JADE3: variants seen among roughly 807,000 people sequenced by gnomAD.
JADE3 encodes jade family PHD finger 3.
JADE3 carries 2 observed loss-of-function variants against 50.1 expected under a neutral mutation model. The ratio of observed to expected loss-of-function variants is 0.04; its 90% CI spans 0.02 to 0.13. JADE3 has a LOEUF of 0.13. Among genes scored for constraint, JADE3 ranks in the 10% least tolerant of loss-of-function variants. JADE3 has a pLI of 1.00. For synonymous variants in JADE3, 218 were observed against 232.9 expected, an observed-to-expected ratio of 0.94 and a Z score of 0.58; for missense variants, 475 against 634.4, an observed-to-expected ratio of 0.75 and a Z score of 2.70.
intron 3 of JADE3, among the ~76,000 whole-genome samples, chrX:46,988,119 T>C (rs1359067977): frequency 8.9e-6 from 1 of 112,032 alleles, no homozygotes; most frequent in Admixed American, 9.5e-5. Flanking sequence ...TAAACAATTA[T>C]GAGACTCTCC....
chrX:46,978,404 GA>G (rs1419796227), intron 1 of JADE3, among the ~76,000 whole-genome samples: 3 of 111,219 alleles, frequency 2.7e-5, no homozygotes. Context: ...AATTGTGGGG[GA>G]GGGACGTCTG....
intron 1 of JADE3, among the ~76,000 whole-genome samples, chrX:46,922,072 C>A (rs927754843): frequency 5.5e-5 from 6 of 108,330 alleles, no homozygotes; most frequent in Middle Eastern, 4.2e-3. Flanking sequence ...CTCCCCCAGT[C>A]CCCCATCCCC....
intron 1 of JADE3, among the ~76,000 whole-genome samples, chrX:46,942,758 A>G (rs1926791841): frequency 8.9e-6 from 1 of 111,792 alleles, no homozygotes; most frequent in African/African-American, 3.3e-5. Flanking sequence ...TGCTAATTTG[A>G]TAGGAACAGT....
intron 8 of JADE3, among the ~76,000 whole-genome samples, chrX:47,048,404 AT>A (rs1929423919): frequency 8.9e-6 from 1 of 112,322 alleles, no homozygotes; most frequent in African/African-American, 3.2e-5. Flanking sequence ...ATGAATTTTC[AT>A]AGCACCATTA....
intron 8 of JADE3, among the ~76,000 whole-genome samples, chrX:47,049,186 T>C (rs1929443037): frequency 2.0e-5 from 2 of 100,773 alleles, no homozygotes; most frequent in Admixed American, 2.1e-4. Context: ...TTCTTCTTTT[T>C]TTTTTTTTTT....
intron 1 of JADE3, among the ~76,000 whole-genome samples, chrX:46,916,339 C>T (rs1926085757): frequency 8.9e-6 from 1 of 111,819 alleles, no homozygotes; most frequent in Admixed American, 9.5e-5. Context: ...TTGTTTCTTT[C>T]AAGCCATTTG....
chrX:46,997,401 C>T (rs1175932010), intron 3 of JADE3, among the ~76,000 whole-genome samples: 8 of 111,339 alleles, frequency 7.2e-5, no homozygotes, highest in Non-Finnish European at 5.7e-5. Context: ...GCCTGTAGTC[C>T]CAGCTACTCA....
chrX:46,922,106 T>C (rs1429644459), intron 1 of JADE3, among the ~76,000 whole-genome samples: 1 of 107,478 alleles, frequency 9.3e-6, no homozygotes, highest in Admixed American at 1.0e-4. Flanking sequence ...TGTGTGATGC[T>C]CCCCTCCCTG....
chrX:46,992,901 G>A (rs781980617), intron 3 of JADE3, among the ~76,000 whole-genome samples: 9 of 111,607 alleles, frequency 8.1e-5, no homozygotes, highest in African/African-American at 9.8e-5. Flanking sequence ...CAGGGGCTTT[G>A]TGTACCTTCT....
At chrX:46,917,812 T>A (rs2147100888) in intron 1 of JADE3, among the ~76,000 whole-genome samples, 1 of 89,341 alleles carries the variant, frequency 1.1e-5, no homozygotes, top group South Asian at 6.7e-4. Flanking sequence ...TCTCTCTCTC[T>A]CTCTCTCTCA....
chrX:47,010,766 G>T (rs1928543917), intron 4 of JADE3, among the ~76,000 whole-genome samples: 1 of 110,958 alleles, frequency 9.0e-6, no homozygotes, highest in Admixed American at 9.6e-5. Flanking sequence ...CAGACTGGGT[G>T]GCTTAAAGAA....
At chrX:46,920,640 C>G (rs781988229) in intron 1 of JADE3, among the ~76,000 whole-genome samples, 1 of 112,551 alleles carries the variant, frequency 8.9e-6, no homozygotes, top group East Asian at 2.8e-4. Flanking sequence ...CAAAGTGGTT[C>G]TACCATTTTA....
At chrX:47,009,917 G>A (rs1928518883) in intron 4 of JADE3, among the ~76,000 whole-genome samples, 1 of 109,185 alleles carries the variant, frequency 9.2e-6, no homozygotes, top group Non-Finnish European at 1.9e-5. Context: ...GAACCACTAT[G>A]CCTGGCCCAC....
chrX:46,992,782 A>G (rs1455558922), intron 3 of JADE3, among the ~76,000 whole-genome samples: 3 of 111,833 alleles, frequency 2.7e-5, no homozygotes, highest in Non-Finnish European at 5.6e-5. Flanking sequence ...TAAAAGATAC[A>G]TATTTTTCTT....
intron 8 of JADE3, among the ~76,000 whole-genome samples, chrX:47,049,448 G>A: frequency 9.5e-6 from 1 of 105,538 alleles, no homozygotes; most frequent in East Asian, 3.0e-4. Flanking sequence ...TTATAGGCGT[G>A]AGCCACCGCG....
In JADE3 at chrX:46,960,245, A is replaced by C. The variant is rs909742449; in HGVS notation, c.-11-24639A>C. ...ATGATTGGCATCTGTGCAACAAAAA[A>C]AAAAAAAATGTTATCATAGCAGACC... On this transcript the variant is annotated intron_variant, in intron 1 of 10. Coordinates refer to ENST00000614628, the MANE Select transcript of JADE3 (RefSeq NM_014735.5). Among the ~76,000 whole-genome samples the C allele has an allele frequency of 7.7e-3, 852 of 110,181 alleles. 14 individuals are homozygous for C. The East Asian group carries it at 0.083, about 11-fold the overall frequency.
At chrX:47,053,783 C>G (rs1556372741) in intron 8 of JADE3, among the ~76,000 whole-genome samples, 1 of 111,971 alleles carries the variant, frequency 8.9e-6, no homozygotes, top group East Asian at 2.8e-4. Context: ...TCCCTAAGGA[C>G]TTGACAATTG....
chrX:46,945,636 T>C (rs960381678), intron 1 of JADE3, among the ~76,000 whole-genome samples: 1 of 111,702 alleles, frequency 9.0e-6, no homozygotes, highest in Middle Eastern at 4.6e-3. Context: ...CCTGGAGCTG[T>C]GGGAGCTGCA....
At chrX:46,918,058 T>C (rs1926145895) in intron 1 of JADE3, among the ~76,000 whole-genome samples, 1 of 111,489 alleles carries the variant, frequency 9.0e-6, no homozygotes, top group Admixed American at 9.5e-5. Context: ...TTTTATCGAC[T>C]GCCATTAACA....
Sources: gnomAD v4.1 joint callset for allele counts (sites outside exome capture counted in the v4.1 genomes callset) on GRCh38, gnomAD v4.1.1 for gene constraint, MANE v1.5 for transcripts, NCBI Gene and HGNC (gene_info 2026-07-23, HGNC 2026-07-21) for gene names.